The following TM2D1 variants were observed in gnomAD, a reference collection of about 807,000 sequenced individuals.
TM2D1 encodes TM2 domain containing 1.
In TM2D1, 15 loss-of-function variants were observed where a neutral mutation model predicts 28.4. The ratio of observed to expected loss-of-function variants is 0.53; its 90% confidence interval spans 0.35 to 0.81. The LOEUF (loss-of-function observed/expected upper bound fraction) is 0.81. TM2D1 is among the 40% of genes least tolerant of loss of function. TM2D1 has a pLI of 0.01. For synonymous variants in TM2D1, 93 were observed against 96.2 expected, an observed-to-expected ratio of 0.97 and a Z score of 0.20; for missense variants, 236 against 254.9, an observed-to-expected ratio of 0.93 and a Z score of 0.50.
chr1:61,717,911 G>A (rs1644534460), intron 2 of TM2D1, among the ~76,000 whole-genome samples: 1 of 152,168 alleles, frequency 6.6e-6, no homozygotes, highest in African/African-American at 2.4e-5. Flanking sequence ...CTACTTGGGT[G>A]GCTGAGGCAG....
chr1:61,716,814 AAAG>A (rs1354768208), intron 2 of TM2D1, among the ~76,000 whole-genome samples: 5 of 152,180 alleles, frequency 3.3e-5, no homozygotes, highest in East Asian at 3.9e-4. Flanking sequence ...TCCTTGTAAG[AAAG>A]AAGAACTTGT....
intron 5 of TM2D1, among the ~76,000 whole-genome samples, chr1:61,684,699 CA>C (rs11376765): frequency 6.6e-6 from 1 of 151,810 alleles, no homozygotes; most frequent in African/African-American, 2.4e-5. Flanking sequence ...TTGATCCAAA[CA>C]AAAAATCACA....
intron 3 of TM2D1, among the ~76,000 whole-genome samples, chr1:61,705,488 T>C (rs1297542124): frequency 6.6e-6 from 1 of 151,990 alleles, no homozygotes. Context: ...ACCTGGCTCA[T>C]TTCTCTTTTT....
intron 2 of TM2D1, among the ~76,000 whole-genome samples, chr1:61,716,087 G>C (rs1644516827): frequency 6.6e-6 from 1 of 151,648 alleles, no homozygotes; most frequent in Non-Finnish European, 1.5e-5. Context: ...TTACAGGCAT[G>C]AGCCACCACG....
chr1:61,718,061 T>C (rs547054462), intron 2 of TM2D1, among the ~76,000 whole-genome samples: 4 of 152,254 alleles, frequency 2.6e-5, no homozygotes, highest in African/African-American at 9.6e-5. Flanking sequence ...CTCACAACTG[T>C]AATTCCAACA....
At chr1:61,724,936 G>A in intron 1 of TM2D1, 21 bp downstream of exon 1, 1 of 1,570,032 alleles carries the variant, frequency 6.4e-7, no homozygotes, top group Non-Finnish European at 8.7e-7. Flanking sequence ...TCCATGGGGG[G>A]GTGTTCTCCA....
intron 2 of TM2D1, among the ~76,000 whole-genome samples, chr1:61,720,961 C>T (rs1644559131): frequency 6.6e-6 from 1 of 152,094 alleles, no homozygotes; most frequent in Non-Finnish European, 1.5e-5. Flanking sequence ...TGGCTCATGT[C>T]TGTAATCCCA....
chr1:61,698,276 C>G (rs1479361821), intron 4 of TM2D1: 9 of 152,294 alleles, frequency 5.9e-5, no homozygotes, highest in Non-Finnish European at 1.3e-4. Context: ...ATGTACATTC[C>G]AGGCCAGGCG....
At chr1:61,699,134 G>A (rs569665387) in intron 4 of TM2D1, 1 of 152,150 alleles carries the variant, frequency 6.6e-6, no homozygotes, top group Non-Finnish European at 1.5e-5. Flanking sequence ...CTTGAGCCCA[G>A]GAGTTCTAGA....
Position 61,691,684 on chromosome 1 carries a change from G to A in TM2D1, c.513+3013C>T, listed in dbSNP as rs7544518. 7.6e-4 allele frequency among the ~76,000 whole-genome samples: 115 copies of A among 150,958 alleles called. 1 individual carries two copies. The highest frequency in any genetic ancestry group is 2.7e-3 in the African/African-American group (112 of 41,290). On this transcript the variant is annotated intron_variant, in intron 5 of 6. Transcript: ENST00000606498. ...TAATCCCAGCACTGTGGGACACCAA[G>A]GTGGGTGGATCACCTGAGGTCAGGA...
At chr1:61,687,109 C>T (rs977584127) in intron 5 of TM2D1, among the ~76,000 whole-genome samples, 1 of 151,648 alleles carries the variant, frequency 6.6e-6, no homozygotes, top group Non-Finnish European at 1.5e-5. Context: ...TTAGGGAGGC[C>T]GAGGCAGGAT....
intron 5 of TM2D1, chr1:61,694,466 A>G (rs1644350140): frequency 2.9e-6 from 1 of 343,334 alleles, no homozygotes; most frequent in East Asian, 4.6e-5. Context: ...AGCACGGGAT[A>G]TTTTTTAATG....
chr1:61,684,100 T>C (rs988775210), intron 5 of TM2D1, among the ~76,000 whole-genome samples: 3 of 152,130 alleles, frequency 2.0e-5, no homozygotes, highest in South Asian at 2.1e-4. Flanking sequence ...CAGAACCACC[T>C]GGAATGGAAA....
At chr1:61,700,887 T>C in intron 4 of TM2D1, 47 bp downstream of exon 4, 1 of 1,422,828 alleles carries the variant, frequency 7.0e-7, no homozygotes, top group Non-Finnish European at 9.7e-7. Flanking sequence ...TACAATGAAC[T>C]AAAATATAGG....
chr1:61,709,244 C>G lies in TM2D1; in HGVS notation c.347+85G>C. 9 of 778,464 alleles carry G rather than the reference C, an allele frequency of 1.2e-5. No homozygotes were observed. In the South Asian group the frequency reaches 1.4e-4, roughly 12 times the overall value. The allele number at this position is 778,464 out of a possible 1,614,324, so 48.2% of individuals were successfully genotyped here. ...TAAAAGATACATTTTCAGGATAGTCCCCATAAATTATCTCCTCTCTTCATG... is the reference window on the plus strand; with the variant it reads ...TAAAAGATACATTTTCAGGATAGTCGCCATAAATTATCTCCTCTCTTCATG... On this transcript the variant is annotated intron_variant, in intron 3 of 6. Coordinates refer to ENST00000606498, the MANE Select transcript of TM2D1 (RefSeq NM_032027.3).
In TM2D1 at chr1:61,691,932, A is replaced by AAATATATATATATATAT; in HGVS notation, c.513+2764_513+2765insATATATATATATATATT. Among the ~76,000 whole-genome samples the AAATATATATATATATAT allele has an allele frequency of 3.9e-3, 298 of 76,216 alleles. 3 individuals are homozygous for AAATATATATATATATAT. Among genetic ancestry groups the AAATATATATATATATAT allele is most frequent in the Non-Finnish European group, 5.6e-3 (215 of 38,708 alleles). 50.0% of individuals were successfully genotyped at this position (76,216 alleles called of 152,430 possible). A position where few individuals can be genotyped will look rare whatever the true frequency, so the allele number is the denominator to read the frequency against. On this transcript the variant is annotated intron_variant, in intron 5 of 6. Coordinates refer to ENST00000606498, the MANE Select transcript of TM2D1 (RefSeq NM_032027.3). ...TCTCAAAAAAAACTTAAAAAAAAAAAATATATATATATATATATATATATA... is the reference window on the plus strand; with the variant it reads ...TCTCAAAAAAAACTTAAAAAAAAAAAAATATATATATATATATATATATATATATATATATATATATA...
chr1:61,690,151 A>G (rs137975162), intron 5 of TM2D1, among the ~76,000 whole-genome samples: 32 of 152,282 alleles, frequency 2.1e-4, no homozygotes, highest in Non-Finnish European at 4.3e-4. Flanking sequence ...GTAATTTTCC[A>G]TGGTTTAGAA....
intron 5 of TM2D1, among the ~76,000 whole-genome samples, chr1:61,693,170 G>C (rs1488747999): frequency 2.6e-5 from 4 of 152,180 alleles, no homozygotes; most frequent in African/African-American, 9.7e-5. Context: ...CCAGGAGGCA[G>C]AGGTTGACAG....
At chr1:61,688,155 G>A (rs1250253763) in intron 5 of TM2D1, among the ~76,000 whole-genome samples, 1 of 152,128 alleles carries the variant, frequency 6.6e-6, no homozygotes, top group Non-Finnish European at 1.5e-5. Flanking sequence ...ATGAATAAGA[G>A]TCACCATTTA....
Sources: gnomAD v4.1 joint callset for allele counts (sites outside exome capture counted in the v4.1 genomes callset) on GRCh38, gnomAD v4.1.1 for gene constraint, MANE v1.5 for transcripts, NCBI Gene and HGNC (gene_info 2026-07-23, HGNC 2026-07-21) for gene names.